SLC4A10: variants seen among roughly 807,000 people sequenced by gnomAD.
The protein encoded by SLC4A10 is solute carrier family 4 member 10.
In SLC4A10, 42 loss-of-function variants were observed where a neutral mutation model predicts 137.7. That is an observed-to-expected ratio of 0.30 (90% CI 0.24 to 0.39). SLC4A10 has a LOEUF of 0.39. Among genes scored for constraint, SLC4A10 ranks in the 10% least tolerant of loss-of-function variants. The pLI is 1.00. For synonymous variants in SLC4A10, 474 were observed against 464.1 expected (o/e 1.02, Z -0.27); for missense variants, 925 against 1,355.0 (o/e 0.68, Z 4.98).
chr2:161,854,208 G>A (rs1000640520), intron 4 of SLC4A10, among the ~76,000 whole-genome samples: 1 of 152,134 alleles, frequency 6.6e-6, no homozygotes, highest in South Asian at 2.1e-4. Flanking sequence ...ATTCCTAAAC[G>A]GATAAGAATT....
In SLC4A10 at chr2:161,845,950, G is replaced by A. The variant is rs572500345; in HGVS notation, c.416+6023G>A. ...AGTTTTTAGACATAACACCAAAAGC[G>A]CAATTCGTAAAAGGAAATATTTATA... is the stretch of plus-strand genomic sequence containing the variant. On this transcript the variant is annotated intron_variant, in intron 4 of 26. Coordinates refer to ENST00000446997, the MANE Select transcript of SLC4A10 (RefSeq NM_001178015.2). Among the ~76,000 whole-genome samples the A allele has an allele frequency of 2.2e-4, 34 of 152,024 alleles. No individual in the cohort carries two copies. The South Asian group carries it at 5.8e-3, about 26-fold the overall frequency.
chr2:161,829,844 C>T (rs1216127670), intron 3 of SLC4A10, among the ~76,000 whole-genome samples: 1 of 152,048 alleles, frequency 6.6e-6, no homozygotes, highest in African/African-American at 2.4e-5. Context: ...GCACATCTTA[C>T]ATGGCAGCAG....
chr2:161,954,676 A>G (rs4637136), intron 19 of SLC4A10, among the ~76,000 whole-genome samples: 48,730 of 152,092 alleles, frequency 0.32, 9,037 homozygotes, highest in Admixed American at 0.42. Context: ...TTTGGTTTAC[A>G]TTAAATCAAG....
intron 1 of SLC4A10, among the ~76,000 whole-genome samples, chr2:161,758,808 A>C (rs2049946233): frequency 6.6e-6 from 1 of 151,980 alleles, no homozygotes; most frequent in Admixed American, 6.6e-5. Flanking sequence ...AGTCCATAGT[A>C]TGTAAACTTT....
At chr2:161,763,097 A>G (rs986879250) in intron 1 of SLC4A10, among the ~76,000 whole-genome samples, 3 of 151,876 alleles carry the variant, frequency 2.0e-5, no homozygotes, top group Non-Finnish European at 4.4e-5. Flanking sequence ...TTATTTTTAT[A>G]CCCTCTTTTT....
intron 1 of SLC4A10, among the ~76,000 whole-genome samples, chr2:161,707,266 A>T (rs2043775082): frequency 6.6e-6 from 1 of 151,432 alleles, no homozygotes; most frequent in South Asian, 2.1e-4. Context: ...AATTTGGATC[A>T]GCCCAGTTTC....
At chr2:161,742,702 A>G (rs2048035142) in intron 1 of SLC4A10, among the ~76,000 whole-genome samples, 1 of 151,630 alleles carries the variant, frequency 6.6e-6, no homozygotes, top group African/African-American at 2.4e-5. Context: ...TGCCTCCCAA[A>G]GTGCTGGGAT....
chr2:161,904,935 T>C, intron 14 of SLC4A10, 26 bp downstream of exon 14: 1 of 1,611,328 alleles, frequency 6.2e-7, no homozygotes, highest in Non-Finnish European at 8.5e-7. Context: ...TTTTTGGCCC[T>C]TAGCCTCTTC....
chr2:161,905,523 T>C (rs1684161808), intron 14 of SLC4A10, 119 bp from the exon 15 acceptor site: 1 of 1,365,066 alleles, frequency 7.3e-7, no homozygotes, highest in Non-Finnish European at 1.0e-6. Flanking sequence ...TAGATACTCA[T>C]GGGATGTGAA....
intron 10 of SLC4A10, among the ~76,000 whole-genome samples, chr2:161,888,142 G>T (rs1231705983): frequency 6.6e-6 from 1 of 152,114 alleles, no homozygotes; most frequent in African/African-American, 2.4e-5. Context: ...TGAGGTCTCT[G>T]TTCTGTTCCA....
intron 3 of SLC4A10, among the ~76,000 whole-genome samples, chr2:161,808,130 T>C (rs1161955985): frequency 6.6e-6 from 1 of 152,202 alleles, no homozygotes; most frequent in Non-Finnish European, 1.5e-5. Context: ...TCTTGGTTGA[T>C]ATTTAATGAG....
At chr2:161,959,534 C>A (rs1696259313) in intron 21 of SLC4A10, among the ~76,000 whole-genome samples, 1 of 152,196 alleles carries the variant, frequency 6.6e-6, no homozygotes. Context: ...TCTTTTGCCA[C>A]AGTGGCCTCT....
chr2:161,845,534 G>A (rs1312857857), intron 4 of SLC4A10, among the ~76,000 whole-genome samples: 2 of 151,962 alleles, frequency 1.3e-5, no homozygotes, highest in Non-Finnish European at 2.9e-5. Flanking sequence ...TCTCTGAAAA[G>A]AACTCCATTC....
At chr2:161,748,026 C>T (rs1288922788) in intron 1 of SLC4A10, among the ~76,000 whole-genome samples, 2 of 152,054 alleles carry the variant, frequency 1.3e-5, no homozygotes, top group African/African-American at 4.8e-5. Flanking sequence ...TGATGATGAG[C>T]ACCTTTTCAT....
chr2:161,766,734 G>GT (rs919826891), intron 1 of SLC4A10, among the ~76,000 whole-genome samples: 48 of 147,930 alleles, frequency 3.2e-4, no homozygotes, highest in South Asian at 1.7e-3. Context: ...CCCATTTTTA[G>GT]TTTTTTTTTT....
At chr2:161,903,624 C>G (rs546511527) in intron 12 of SLC4A10, among the ~76,000 whole-genome samples, 18 of 152,252 alleles carry the variant, frequency 1.2e-4, no homozygotes, top group African/African-American at 4.1e-4. Flanking sequence ...TGGAATTAAA[C>G]ATTTAGAAAT....
At chr2:161,859,594 CTTTTTTTT>C (rs72003642) in intron 5 of SLC4A10, among the ~76,000 whole-genome samples, 967 of 47,396 alleles carry the variant, frequency 0.02, 11 homozygotes, top group African/African-American at 0.072. Flanking sequence ...CTTTTCTTTT[CTTTTTTTT>C]TTTTTTTTTT....
intron 2 of SLC4A10, among the ~76,000 whole-genome samples, chr2:161,780,909 A>T (rs2052935690): frequency 6.6e-6 from 1 of 152,028 alleles, no homozygotes; most frequent in Admixed American, 6.6e-5. Flanking sequence ...GGATAATCTG[A>T]TGTTGTAAAA....
intron 1 of SLC4A10, among the ~76,000 whole-genome samples, chr2:161,716,094 G>A (rs1238587215): frequency 6.6e-6 from 1 of 151,702 alleles, no homozygotes; most frequent in Non-Finnish European, 1.5e-5. Context: ...GCAATATTAA[G>A]CTTTCTCTAA....
Sources: allele counts gnomAD v4.1 joint callset (sites outside exome capture counted in the v4.1 genomes callset), GRCh38; gene constraint gnomAD v4.1.1; transcripts MANE v1.5; gene names NCBI Gene and HGNC (gene_info 2026-07-23, HGNC 2026-07-21).